COG7: variants seen among roughly 807,000 people sequenced by gnomAD.
The protein encoded by COG7 is component of oligomeric golgi complex 7.
Under a neutral mutation model 91.5 loss-of-function variants are expected in COG7, and 49 were observed. The observed-to-expected ratio is 0.54, with a 90% confidence interval of 0.43 to 0.68. COG7 has a LOEUF of 0.68. Ranked by LOEUF, COG7 falls within the 30% of genes least tolerant of loss-of-function variation. The pLI is 0.00. For synonymous variants in COG7, 365 were observed against 388.7 expected (o/e 0.94, Z 0.72); for missense variants, 895 against 961.3 (o/e 0.93, Z 0.91).
intron 4 of COG7, among the ~76,000 whole-genome samples, chr16:23,439,392 TCAAA>T (rs1367026524): frequency 6.6e-6 from 1 of 150,818 alleles, no homozygotes; most frequent in Non-Finnish European, 1.5e-5. Flanking sequence ...AAGCTGGAAC[TCAAA>T]CAGACACTTG....
intron 14 of COG7, 91 bp from the exon 15 acceptor site, chr16:23,393,438 G>A (rs1963233611): frequency 4.1e-6 from 4 of 973,170 alleles, no homozygotes; most frequent in Admixed American, 1.9e-5. Flanking sequence ...ACGGCAGAGA[G>A]ACAAAATTGC....
intron 14 of COG7, among the ~76,000 whole-genome samples, chr16:23,397,033 C>G (rs758466652): frequency 6.6e-6 from 1 of 152,138 alleles, no homozygotes; most frequent in Non-Finnish European, 1.5e-5. Context: ...CCTCAGCACC[C>G]CAAGTAGCTG....
At chr16:23,396,356 G>A (rs1963285239) in intron 14 of COG7, among the ~76,000 whole-genome samples, 1 of 152,094 alleles carries the variant, frequency 6.6e-6, no homozygotes, top group Non-Finnish European at 1.5e-5. Context: ...AATCAATTTA[G>A]ACTGCAAGCA....
chr16:23,402,854 G>A (rs1288184896), intron 13 of COG7, among the ~76,000 whole-genome samples: 1 of 152,214 alleles, frequency 6.6e-6, no homozygotes, highest in Non-Finnish European at 1.5e-5. Flanking sequence ...AGGGGGTGAG[G>A]CCTGACTGAG....
intron 7 of COG7, among the ~76,000 whole-genome samples, chr16:23,423,693 A>G (rs1963797513): frequency 6.6e-6 from 1 of 152,260 alleles, no homozygotes; most frequent in African/African-American, 2.4e-5. Context: ...GATGTAATTA[A>G]AGAGAAGAAC....
intron 7 of COG7, 67 bp from the exon 8 acceptor site, chr16:23,418,894 C>T: frequency 1.4e-6 from 2 of 1,460,590 alleles, no homozygotes; most frequent in South Asian, 2.3e-5. Flanking sequence ...GGGAAAGCAA[C>T]AATCAAGAGG....
chr16:23,439,158 CA>C (rs1288559124), intron 4 of COG7, among the ~76,000 whole-genome samples: 93 of 53,738 alleles, frequency 1.7e-3, no homozygotes, highest in Middle Eastern at 0.013. Flanking sequence ...ACTGTGTCTC[CA>C]AAAAAAAAAA....
intron 14 of COG7, 52 bp from the exon 15 acceptor site, chr16:23,393,399 A>C (rs893649974): frequency 1.5e-6 from 2 of 1,377,832 alleles, no homozygotes; most frequent in Non-Finnish European, 2.1e-6. Context: ...ACGGGTTATT[A>C]CTTTATGGGT....
At position 23,393,286 on chromosome 16, in the gene COG7, G is replaced by C. The variant is rs1963230461; in HGVS notation, c.1949C>G (p.Ser650Cys). 6.2e-7 allele frequency: 1 copy of C among 1,614,180 alleles called. No homozygotes were observed. The change falls in exon 15 of 17, where the codon TCT becomes TGT. Residue 650 changes from serine (S) to cysteine (C), a missense_variant. Coordinates refer to ENST00000307149, the MANE Select transcript of COG7 (RefSeq NM_153603.4). ...NLEPFVTQED[S>C]ALELALHAGK... ...AGCGTGCAATGCCAACTCTAAGGCA[G>C]AGTCCTCCTGAGTCACAAATGGCTC...
At chr16:23,434,866 A>G in intron 4 of COG7, 148 bp from the exon 5 acceptor site, 2 of 670,626 alleles carry the variant, frequency 3.0e-6, no homozygotes, top group Non-Finnish European at 5.5e-6. Context: ...TGAGGATCAT[A>G]AATTTGAAAA....
At position 23,449,634 on chromosome 16, in the gene COG7, G is replaced by A. The variant is rs549602891; in HGVS notation, c.169+3192C>T. On this transcript the variant is annotated intron_variant, in intron 1 of 16. Coordinates refer to ENST00000307149, the MANE Select transcript of COG7 (RefSeq NM_153603.4). ...CGCATGCCTATACACCCAGCTACTC[G>A]GGAGGCTGAGGCAGGAGAATTGCTT... Among the ~76,000 whole-genome samples the A allele has an allele frequency of 4.6e-5, 7 of 150,908 alleles. No individual in the cohort carries two copies. The South Asian group carries it at 1.2e-3, about 27-fold the overall frequency.
chr16:23,442,365 C>T (rs1313713965), intron 4 of COG7, 112 bp downstream of exon 4: 2 of 986,080 alleles, frequency 2.0e-6, no homozygotes, highest in East Asian at 4.9e-5. Flanking sequence ...TACAGAGTTC[C>T]TTCTAATCTA....
chr16:23,445,794 C>G lies in COG7; in HGVS notation c.318+19G>C. ...CAAGAATCACCATTTACAACAGGAGCCAAAAGGAGCCAAAATACCTGCATG... is the reference window on the plus strand; with the variant it reads ...CAAGAATCACCATTTACAACAGGAGGCAAAAGGAGCCAAAATACCTGCATG... On this transcript the variant is annotated intron_variant, in intron 2 of 16. Coordinates refer to ENST00000307149, the MANE Select transcript of COG7 (RefSeq NM_153603.4). 6.2e-7 allele frequency: 1 copy of G among 1,613,118 alleles called. No homozygotes were observed.
chr16:23,432,160 C>T, intron 6 of COG7, among the ~76,000 whole-genome samples: 1 of 151,878 alleles, frequency 6.6e-6, no homozygotes, highest in East Asian at 1.9e-4. Flanking sequence ...CAAAACAAAA[C>T]AAAACAAAAT....
intron 14 of COG7, among the ~76,000 whole-genome samples, chr16:23,394,392 T>C (rs1963250664): frequency 6.6e-6 from 1 of 152,222 alleles, no homozygotes; most frequent in Non-Finnish European, 1.5e-5. Flanking sequence ...ATTTCTATTG[T>C]AATTCATTGT....
At chr16:23,443,349 C>A (rs1482129433) in intron 3 of COG7, among the ~76,000 whole-genome samples, 2 of 151,814 alleles carry the variant, frequency 1.3e-5, no homozygotes, top group Non-Finnish European at 1.5e-5. Flanking sequence ...AGTTCAAGAC[C>A]AGCCTGACCA....
At chr16:23,411,186 T>C (rs374659664) in intron 10 of COG7, among the ~76,000 whole-genome samples, 4 of 152,220 alleles carry the variant, frequency 2.6e-5, no homozygotes, top group African/African-American at 9.6e-5. Flanking sequence ...CATATCCGTA[T>C]TGAATGATCC....
At chr16:23,427,373 G>A (rs546115582) in intron 6 of COG7, among the ~76,000 whole-genome samples, 1 of 152,042 alleles carries the variant, frequency 6.6e-6, no homozygotes, top group African/African-American at 2.4e-5. Context: ...TACTCGGGAG[G>A]CTGAGGCAGA....
At chr16:23,434,607 C>T in intron 5 of COG7, 29 bp downstream of exon 5, 1 of 1,538,940 alleles carries the variant, frequency 6.5e-7, no homozygotes, top group Non-Finnish European at 9.0e-7. Flanking sequence ...TCCACAACTG[C>T]ACAACTGTCA....
Sources: allele counts gnomAD v4.1 joint callset (sites outside exome capture counted in the v4.1 genomes callset), GRCh38; gene constraint gnomAD v4.1.1; transcripts MANE v1.5; gene names NCBI Gene and HGNC (gene_info 2026-07-23, HGNC 2026-07-21).